Variants in PLPP1 observed in about 807,000 individuals in gnomAD.
PLPP1 encodes the protein phospholipid phosphatase 1, also known as lipid phosphate phosphohydrolase 1a.
PLPP1 carries 24 observed loss-of-function variants against 31.2 expected under a neutral mutation model. The observed-to-expected ratio is 0.77, with a 90% CI of 0.56 to 1.08. The LOEUF is 1.08. Among genes scored for constraint, PLPP1 ranks in the 50% least tolerant of loss-of-function variants. The pLI is 0.00. For synonymous variants in PLPP1, 146 were observed against 126.3 expected (o/e 1.16, Z -1.05); for missense variants, 319 against 342.7 (o/e 0.93, Z 0.55).
intron 1 of PLPP1, among the ~76,000 whole-genome samples, chr5:55,496,360 A>C (rs923457647): frequency 3.3e-5 from 5 of 152,098 alleles, no homozygotes; most frequent in African/African-American, 1.2e-4. Flanking sequence ...CCTTAAGAGG[A>C]GTCACTTTTA....
intron 4 of PLPP1, among the ~76,000 whole-genome samples, chr5:55,431,765 A>C (rs1018308443): frequency 1.3e-5 from 2 of 151,328 alleles, no homozygotes; most frequent in African/African-American, 4.9e-5. Context: ...GCAGAGCAGA[A>C]CTTAACAAAA....
intron 1 of PLPP1, among the ~76,000 whole-genome samples, chr5:55,498,514 C>T (rs1311940797): frequency 6.6e-6 from 1 of 152,018 alleles, no homozygotes; most frequent in Non-Finnish European, 1.5e-5. Context: ...TAATAACATG[C>T]CCTGCATAAT....
intron 3 of PLPP1, among the ~76,000 whole-genome samples, chr5:55,453,627 C>T (rs186929193): frequency 2.5e-4 from 38 of 152,166 alleles, no homozygotes; most frequent in African/African-American, 8.7e-4. Flanking sequence ...CAGATGTATC[C>T]TGTTATAAAT....
intron 3 of PLPP1, among the ~76,000 whole-genome samples, chr5:55,447,775 C>T (rs1411792057): frequency 1.3e-5 from 2 of 152,126 alleles, no homozygotes; most frequent in Non-Finnish European, 2.9e-5. Context: ...AGACTTAATC[C>T]ATGAAGAAAT....
At chr5:55,449,921 G>A (rs935526940) in intron 3 of PLPP1, among the ~76,000 whole-genome samples, 12 of 151,920 alleles carry the variant, frequency 7.9e-5, no homozygotes, top group African/African-American at 2.9e-4. Context: ...GTAATAAATG[G>A]TAAAGGAATA....
chr5:55,502,380 G>A (rs375716461), intron 1 of PLPP1, among the ~76,000 whole-genome samples: 7 of 152,034 alleles, frequency 4.6e-5, no homozygotes, highest in Non-Finnish European at 1.0e-4. Context: ...CCAGCTACTC[G>A]GAAGGCTGAG....
chr5:55,495,437 A>G (rs1752984918), intron 1 of PLPP1, among the ~76,000 whole-genome samples: 1 of 152,192 alleles, frequency 6.6e-6, no homozygotes, highest in South Asian at 2.1e-4. Flanking sequence ...CTTTAAACAA[A>G]AGAATGAATG....
intron 1 of PLPP1, among the ~76,000 whole-genome samples, chr5:55,529,968 C>T (rs1373990391): frequency 6.6e-6 from 1 of 152,190 alleles, no homozygotes; most frequent in East Asian, 1.9e-4. Flanking sequence ...AATGTCATAA[C>T]TTTCATTTTT....
In PLPP1 at chr5:55,534,593, C is replaced by T; in HGVS notation, c.37G>A (p.Asp13Asn). 1 of 1,557,982 alleles carries T rather than the reference C, an allele frequency of 6.4e-7. No homozygotes were observed. Among genetic ancestry groups the T allele is most frequent in the African/African-American group, 1.4e-5 (1 of 71,830 alleles). ...GTACCCAGCAACACGCAGAGCACAT[C>T]GAGGGCCACGTACGGCAGCCGCGTC... ...DKTRLPYVAL[D>N]VLCVLLAGLP... is the part of the protein sequence containing the mutation. The change falls in exon 1 of 6, where the codon GAT (aspartate) becomes AAT (asparagine). Residue 13 changes from aspartate to asparagine, a missense_variant. By Grantham distance (23) the Asp-to-Asn change is conservative (BLOSUM62 1). Transcript: ENST00000307259.
At chr5:55,497,003 C>T (rs1161960739) in intron 1 of PLPP1, among the ~76,000 whole-genome samples, 2 of 152,076 alleles carry the variant, frequency 1.3e-5, no homozygotes, top group Non-Finnish European at 2.9e-5. Context: ...ATTTTGAAAA[C>T]AATGAAATAA....
chr5:55,530,553 ACAT>A, intron 1 of PLPP1: 2 of 1,248,802 alleles, frequency 1.6e-6, no homozygotes, highest in East Asian at 2.3e-5. Context: ...GATAGAAGAA[ACAT>A]CATATTCATC....
At chr5:55,454,933 G>C (rs868356213) in intron 3 of PLPP1, among the ~76,000 whole-genome samples, 2 of 152,124 alleles carry the variant, frequency 1.3e-5, no homozygotes, top group South Asian at 2.1e-4. Flanking sequence ...TACTAGGTAC[G>C]TAAGTACCAC....
At chr5:55,467,209 T>C (rs1042502107) in intron 3 of PLPP1, among the ~76,000 whole-genome samples, 2 of 152,216 alleles carry the variant, frequency 1.3e-5, no homozygotes, top group African/African-American at 4.8e-5. Context: ...CAGAGCTTCA[T>C]AAATAATGGT....
chr5:55,488,137 C>T (rs1416839472), intron 1 of PLPP1, among the ~76,000 whole-genome samples: 1 of 151,282 alleles, frequency 6.6e-6, no homozygotes, highest in Non-Finnish European at 1.5e-5. Context: ...TAACAGCAAA[C>T]TCACAGGAAT....
At chr5:55,488,273 A>C (rs1752815769) in intron 1 of PLPP1, among the ~76,000 whole-genome samples, 1 of 152,010 alleles carries the variant, frequency 6.6e-6, no homozygotes, top group African/African-American at 2.4e-5. Flanking sequence ...TATAACTAAA[A>C]AAAAAAAAAT....
intron 1 of PLPP1, among the ~76,000 whole-genome samples, chr5:55,504,322 C>A (rs1753217741): frequency 6.8e-6 from 1 of 147,500 alleles, no homozygotes; most frequent in Non-Finnish European, 1.5e-5. Context: ...CAGACAGTGT[C>A]CTACTGCACT....
chr5:55,499,780 T>A (rs1258540350), intron 1 of PLPP1, among the ~76,000 whole-genome samples: 1 of 152,066 alleles, frequency 6.6e-6, no homozygotes. Flanking sequence ...CTATTATAAG[T>A]CACCGCAATG....
At chr5:55,499,353 A>G (rs1291467270) in intron 1 of PLPP1, among the ~76,000 whole-genome samples, 1 of 152,176 alleles carries the variant, frequency 6.6e-6, no homozygotes, top group Non-Finnish European at 1.5e-5. Flanking sequence ...CCCATGTAAA[A>G]AGTTTTCACA....
chr5:55,506,269 A>AG (rs1253721922), intron 1 of PLPP1, among the ~76,000 whole-genome samples: 2 of 151,192 alleles, frequency 1.3e-5, no homozygotes, highest in Non-Finnish European at 3.0e-5. Context: ...TTACTAAAAA[A>AG]AAAAAAAAAA....
Sources: allele counts gnomAD v4.1 joint callset (sites outside exome capture counted in the v4.1 genomes callset), GRCh38; gene constraint gnomAD v4.1.1; transcripts MANE v1.5; gene names NCBI Gene and HGNC (gene_info 2026-07-23, HGNC 2026-07-21).